Variants in FAT3 observed in about 807,000 individuals in gnomAD.
FAT3 encodes protocadherin Fat 3.
FAT3 carries 95 observed loss-of-function variants against 310.2 expected under a neutral mutation model. The ratio of observed to expected loss-of-function variants is 0.31; its 90% CI spans 0.26 to 0.36. The LOEUF (loss-of-function observed/expected upper bound fraction) is 0.36, where lower values mean the gene tolerates loss of function less well. FAT3 is among the 10% of genes least tolerant of loss of function. The pLI is 1.00. For synonymous variants in FAT3, 2,314 were observed against 2,192.9 expected, an observed-to-expected ratio of 1.06 and a Z score of -1.54; for missense variants, 5,408 against 5,715.6, an observed-to-expected ratio of 0.95 and a Z score of 1.74.
intron 23 of FAT3, 57 bp downstream of exon 23, chr11:92,880,941 C>CAT (rs1949658810): frequency 3.2e-6 from 5 of 1,562,512 alleles, no homozygotes; most frequent in Non-Finnish European, 4.4e-6. Context: ...CTACAACAAA[C>CAT]CAGTAAACAA....
rs116319320 is a variant in FAT3, at chr11:92,860,093, T to A, written c.11658+771T>A. 8.7e-3 allele frequency among the ~76,000 whole-genome samples: 1,319 copies of A among 152,276 alleles called. 20 individuals are homozygous for A. Among genetic ancestry groups the A allele is most frequent in the African/African-American group, 0.03 (1,243 of 41,556 alleles). On this transcript the variant is annotated intron_variant, in intron 21 of 27. Coordinates refer to ENST00000525166, the MANE Select transcript of FAT3 (RefSeq NM_001367949.2). Reference sequence around the variant, plus strand: ...AGTCGGCACCTATAATCCCAGCTACTTGGGAGGCTGAGGCCACTGCACAGT... The same window carrying A: ...AGTCGGCACCTATAATCCCAGCTACATGGGAGGCTGAGGCCACTGCACAGT...
At chr11:92,345,537 C>A (rs775723407) in intron 1 of FAT3, among the ~76,000 whole-genome samples, 1 of 152,100 alleles carries the variant, frequency 6.6e-6, no homozygotes, top group East Asian at 1.9e-4. Flanking sequence ...TGCAGTGGTA[C>A]CCCCAAATCT....
intron 3 of FAT3, among the ~76,000 whole-genome samples, chr11:92,596,863 T>C (rs77262399): frequency 6.6e-6 from 1 of 152,122 alleles, no homozygotes; most frequent in Non-Finnish European, 1.5e-5. Flanking sequence ...TACTAAGAGT[T>C]TGTGAATTTC....
At chr11:92,869,823 C>T (rs1446770270) in intron 22 of FAT3, among the ~76,000 whole-genome samples, 2 of 152,054 alleles carry the variant, frequency 1.3e-5, no homozygotes, top group Non-Finnish European at 2.9e-5. Context: ...ATATTTATGC[C>T]TTCAAGAATT....
At chr11:92,468,575 T>C (rs1951831739) in intron 2 of FAT3, among the ~76,000 whole-genome samples, 1 of 152,154 alleles carries the variant, frequency 6.6e-6, no homozygotes. Flanking sequence ...CTCATGCTAT[T>C]AATAAAGACA....
chr11:92,292,075 A>C (rs1946708561), intron 1 of FAT3, among the ~76,000 whole-genome samples: 2 of 152,072 alleles, frequency 1.3e-5, no homozygotes, highest in Admixed American at 6.5e-5. Flanking sequence ...CCTGTCCTTC[A>C]ACCTCTTTTA....
rs368433736 is a variant in FAT3, at chr11:92,553,107, CA to C, written c.3607+28166del. ...TTTCAGCTTCTTCTCATTCCTAAGC[CA>C]AAAAAACAAAACAGGTTTTTCAAGG... On this transcript the variant is annotated intron_variant, in intron 3 of 27. Coordinates refer to ENST00000525166, the MANE Select transcript of FAT3 (RefSeq NM_001367949.2). 1.2e-3 allele frequency among the ~76,000 whole-genome samples: 176 copies of C among 151,966 alleles called. 1 individual carries two copies. Among genetic ancestry groups the C allele is most frequent in the South Asian group, 2.5e-3 (12 of 4,806 alleles).
chr11:92,540,828 A>G (rs1202961136), intron 3 of FAT3, among the ~76,000 whole-genome samples: 4 of 152,008 alleles, frequency 2.6e-5, no homozygotes, highest in Non-Finnish European at 5.9e-5. Flanking sequence ...TTACAGAACT[A>G]TGTTTTTCAC....
chr11:92,746,781 C>A (rs558252220), intron 4 of FAT3, among the ~76,000 whole-genome samples: 1 of 152,152 alleles, frequency 6.6e-6, no homozygotes, highest in Non-Finnish European at 1.5e-5. Flanking sequence ...AACATAGGGG[C>A]TACAGGCCCC....
intron 13 of FAT3, among the ~76,000 whole-genome samples, chr11:92,825,894 C>G (rs1447236189): frequency 6.6e-6 from 1 of 152,112 alleles, no homozygotes; most frequent in Non-Finnish European, 1.5e-5. Flanking sequence ...CAAGAGATAT[C>G]TCAGAGGCAG....
At chr11:92,268,390 T>G (rs762013965) in intron 1 of FAT3, among the ~76,000 whole-genome samples, 1 of 152,020 alleles carries the variant, frequency 6.6e-6, no homozygotes, top group Non-Finnish European at 1.5e-5. Context: ...TAAACAGAGA[T>G]CTTTTCCATA....
chr11:92,327,484 C>A (rs189483819), intron 1 of FAT3, among the ~76,000 whole-genome samples: 3 of 152,174 alleles, frequency 2.0e-5, no homozygotes, highest in Admixed American at 1.3e-4. Flanking sequence ...ATTTTAAAAA[C>A]GCTTACTAGT....
chr11:92,621,590 T>C (rs1941090749), intron 3 of FAT3, among the ~76,000 whole-genome samples: 1 of 152,204 alleles, frequency 6.6e-6, no homozygotes, highest in Non-Finnish European at 1.5e-5. Flanking sequence ...GCAACATCAC[T>C]AGGTTCCACA....
At chr11:92,606,077 G>C (rs1308418052) in intron 3 of FAT3, among the ~76,000 whole-genome samples, 2 of 152,140 alleles carry the variant, frequency 1.3e-5, no homozygotes, top group Non-Finnish European at 2.9e-5. Flanking sequence ...ATTAGACAGA[G>C]TGTCAACAAT....
intron 13 of FAT3, among the ~76,000 whole-genome samples, chr11:92,829,463 A>G (rs953791467): frequency 7.9e-5 from 12 of 152,300 alleles, no homozygotes; most frequent in African/African-American, 2.9e-4. Context: ...TCCTGAGACC[A>G]CTGAATCAGT....
At chr11:92,376,281 C>T (rs1477310483) in intron 2 of FAT3, among the ~76,000 whole-genome samples, 1 of 152,112 alleles carries the variant, frequency 6.6e-6, no homozygotes, top group East Asian at 1.9e-4. Context: ...TTCTTTTGTC[C>T]TGATCAAACC....
intron 2 of FAT3, among the ~76,000 whole-genome samples, chr11:92,485,862 C>G (rs906570330): frequency 3.9e-5 from 6 of 152,080 alleles, no homozygotes; most frequent in African/African-American, 1.5e-4. Context: ...GATTGGGCAA[C>G]TGGGTAATTT....
At chr11:92,305,163 G>A (rs1188012502) in intron 1 of FAT3, among the ~76,000 whole-genome samples, 1 of 152,032 alleles carries the variant, frequency 6.6e-6, no homozygotes, top group Non-Finnish European at 1.5e-5. Context: ...GCCAGCAGAA[G>A]GTTGAAAGGG....
At chr11:92,710,170 A>G (rs1354598311) in intron 4 of FAT3, among the ~76,000 whole-genome samples, 4 of 152,256 alleles carry the variant, frequency 2.6e-5, no homozygotes, top group Non-Finnish European at 4.4e-5. Context: ...GAAGCTTCAC[A>G]AAGACAAAGC....
Sources: gnomAD v4.1 joint callset for allele counts (sites outside exome capture counted in the v4.1 genomes callset) on GRCh38, gnomAD v4.1.1 for gene constraint, MANE v1.5 for transcripts, NCBI Gene and HGNC (gene_info 2026-07-23, HGNC 2026-07-21) for gene names.